MALRD1: variants seen among roughly 807,000 people sequenced by gnomAD.
The protein encoded by MALRD1 is MAM and LDL-receptor class A domain-containing protein 1.
In MALRD1, 247 loss-of-function variants were observed where a neutral mutation model predicts 242.1. The ratio of observed to expected loss-of-function variants is 1.02; its 90% CI spans 0.92 to 1.13. The LOEUF (loss-of-function observed/expected upper bound fraction) is 1.13. Among genes scored for constraint, MALRD1 ranks in the 50% most tolerant of loss-of-function variants. MALRD1 has a pLI of 0.00. For synonymous variants in MALRD1, 995 were observed against 866.6 expected (o/e 1.15, Z -2.60); for missense variants, 2,989 against 2,533.1 (o/e 1.18, Z -3.86).
chr10:19,203,753 C>A lies in MALRD1; in HGVS notation c.1977C>A (p.Asn659Lys), dbSNP rs1270607934. The change falls in exon 15 of 40, where the codon AAC becomes AAA. Residue 659 changes from asparagine to lysine, a missense_variant. Transcript: ENST00000454679. Reference sequence around the variant, plus strand: ...TTTCCAAGTGTGACTTTGAAGCAAACAGCTGTGATTGGTTTGAAGCAATTA... The same window carrying A: ...TTTCCAAGTGTGACTTTGAAGCAAAAAGCTGTGATTGGTTTGAAGCAATTA... ...SKFSKCDFEA[N>K]SCDWFEAISG... 1.1e-5 allele frequency: 17 copies of A among 1,542,870 alleles called. No individual in the cohort carries two copies. In the Admixed American group the frequency reaches 3.2e-4, roughly 29 times the overall value.
At chr10:19,214,147 C>G (rs1422093934) in intron 18 of MALRD1, among the ~76,000 whole-genome samples, 5 of 152,184 alleles carry the variant, frequency 3.3e-5, no homozygotes, top group Admixed American at 6.5e-5. Context: ...TTCTGTGCAG[C>G]TCCTTCTTCT....
intron 36 of MALRD1, among the ~76,000 whole-genome samples, chr10:19,685,740 A>C (rs1842555599): frequency 6.6e-6 from 1 of 152,190 alleles, no homozygotes; most frequent in Non-Finnish European, 1.5e-5. Flanking sequence ...GACCTTAAGA[A>C]AGCTGGATGC....
chr10:19,378,986 G>A (rs957480041), intron 26 of MALRD1, among the ~76,000 whole-genome samples: 9 of 152,198 alleles, frequency 5.9e-5, no homozygotes, highest in African/African-American at 2.2e-4. Context: ...CCATGTAATA[G>A]TTGTAGGGCT....
At chr10:19,639,510 G>A (rs921564488) in intron 36 of MALRD1, among the ~76,000 whole-genome samples, 8 of 152,034 alleles carry the variant, frequency 5.3e-5, no homozygotes, top group African/African-American at 1.7e-4. Context: ...CTTCAAAATC[G>A]GAGTTTCACT....
Position 19,428,506 on chromosome 10 carries a change from T to C in MALRD1, c.4846-21801T>C, listed in dbSNP as rs142135427. 5.8e-3 allele frequency among the ~76,000 whole-genome samples: 888 copies of C among 152,210 alleles called. 9 individuals carry two copies. The highest frequency in any genetic ancestry group is 0.02 in the African/African-American group (836 of 41,546). On this transcript the variant is annotated intron_variant, in intron 28 of 39. Coordinates refer to ENST00000454679, the MANE Select transcript of MALRD1 (RefSeq NM_001142308.3). ...ATTCTCCTAATCTCTGCCTCTTCTTTTCCTTCATAAACACCACCATCCTCA... is the reference window on the plus strand; with the variant it reads ...ATTCTCCTAATCTCTGCCTCTTCTTCTCCTTCATAAACACCACCATCCTCA...
chr10:19,238,440 A>ATT lies in MALRD1; in HGVS notation c.2992-19244_2992-19243insTT, dbSNP rs1838538213. On this transcript the variant is annotated intron_variant, in intron 18 of 39. Transcript: ENST00000454679. ...ATAATATACATTATATATAATATATAATATACATTATATATAATATATAAT... is the reference window on the plus strand; with the variant it reads ...ATAATATACATTATATATAATATATATTATATACATTATATATAATATATAAT... 4.9e-5 allele frequency among the ~76,000 whole-genome samples: 3 copies of ATT among 61,088 alleles called. No homozygotes were observed. In the South Asian group the frequency reaches 1.3e-3, roughly 27 times the overall value. 40.1% of individuals were successfully genotyped at this position (61,088 alleles called of 152,430 possible).
At chr10:19,711,120 T>C (rs771374107) in intron 38 of MALRD1, 2 of 152,246 alleles carry the variant, frequency 1.3e-5, no homozygotes, top group Non-Finnish European at 2.9e-5. Flanking sequence ...TAATAATTGC[T>C]TTCTTATCTT....
At chr10:19,136,236 A>ATTG (rs1564415248) in intron 9 of MALRD1, among the ~76,000 whole-genome samples, 2 of 152,134 alleles carry the variant, frequency 1.3e-5, no homozygotes, top group Non-Finnish European at 2.9e-5. Flanking sequence ...CCAAGTAACA[A>ATTG]GTTTGCAGTC....
intron 33 of MALRD1, among the ~76,000 whole-genome samples, chr10:19,574,235 C>T (rs973926196): frequency 6.6e-6 from 1 of 152,148 alleles, no homozygotes; most frequent in African/African-American, 2.4e-5. Context: ...ATCTCTTAAG[C>T]ATAAATTATT....
chr10:19,372,490 A>C (rs1417180198), intron 26 of MALRD1, among the ~76,000 whole-genome samples: 1 of 151,588 alleles, frequency 6.6e-6, no homozygotes, highest in Admixed American at 6.6e-5. Context: ...TTTTTTGCAA[A>C]TGGAGTTTCA....
chr10:19,205,226 G>A lies in MALRD1; in HGVS notation c.2539G>A (p.Val847Met). Reference protein sequence around the residue: ...CIEKLRLCDLVDDCGDRTDEV... With the variant: ...CIEKLRLCDLMDDCGDRTDEV... ...AGAAAAGCTTCGGTTATGTGATCTGGTGGATGACTGTGGTGATCGTACTGA... is the reference window on the plus strand; with the variant it reads ...AGAAAAGCTTCGGTTATGTGATCTGATGGATGACTGTGGTGATCGTACTGA... The change falls in exon 17 of 40, where the codon GTG becomes ATG. Residue 847 changes from valine to methionine, a missense_variant. Val to Met is a conservative substitution (Grantham distance 21). Transcript: ENST00000454679. 4 of 1,550,940 alleles carry A rather than the reference G, an allele frequency of 2.6e-6. No individual in the cohort carries two copies. The highest frequency in any genetic ancestry group is 1.4e-5 in the African/African-American group (1 of 73,142).
At chr10:19,605,866 T>G (rs962125570) in intron 34 of MALRD1, among the ~76,000 whole-genome samples, 1 of 152,108 alleles carries the variant, frequency 6.6e-6, no homozygotes. Flanking sequence ...CATTCATTTT[T>G]AAATTTCTCC....
intron 31 of MALRD1, among the ~76,000 whole-genome samples, chr10:19,514,052 GC>G (rs1564404537): frequency 6.6e-6 from 1 of 152,124 alleles, no homozygotes; most frequent in Non-Finnish European, 1.5e-5. Flanking sequence ...AATATTTTAG[GC>G]TTACAGCTGT....
At chr10:19,646,787 A>G (rs1179213976) in intron 36 of MALRD1, among the ~76,000 whole-genome samples, 1 of 152,162 alleles carries the variant, frequency 6.6e-6, no homozygotes, top group Non-Finnish European at 1.5e-5. Context: ...CCTCATTTTT[A>G]TAAAGTTGTT....
intron 18 of MALRD1, among the ~76,000 whole-genome samples, chr10:19,224,606 T>C (rs1265925097): frequency 6.6e-6 from 1 of 152,206 alleles, no homozygotes; most frequent in African/African-American, 2.4e-5. Context: ...TGAGCTTTTT[T>C]TCATATGTTT....
At chr10:19,493,735 C>T (rs1294038877) in intron 30 of MALRD1, among the ~76,000 whole-genome samples, 4 of 151,912 alleles carry the variant, frequency 2.6e-5, no homozygotes, top group Admixed American at 2.6e-4. Context: ...ATTGCTTGAA[C>T]CTGGGAGGTG....
At chr10:19,143,142 T>C (rs929708580) in intron 10 of MALRD1, among the ~76,000 whole-genome samples, 1 of 152,228 alleles carries the variant, frequency 6.6e-6, no homozygotes, top group Admixed American at 6.5e-5. Flanking sequence ...GCACAATGAT[T>C]GACATTTTTT....
At chr10:19,237,213 G>A (rs1284275152) in intron 18 of MALRD1, among the ~76,000 whole-genome samples, 1 of 151,468 alleles carries the variant, frequency 6.6e-6, no homozygotes, top group Non-Finnish European at 1.5e-5. Context: ...ACCCTGCTTT[G>A]CAAAGAACAC....
intron 19 of MALRD1, among the ~76,000 whole-genome samples, chr10:19,279,545 T>G (rs1840704360): frequency 6.6e-6 from 1 of 152,222 alleles, no homozygotes; most frequent in Non-Finnish European, 1.5e-5. Context: ...ATTGTAATCT[T>G]GTACAAAATT....
Sources: gnomAD v4.1 joint callset for allele counts (sites outside exome capture counted in the v4.1 genomes callset) on GRCh38, gnomAD v4.1.1 for gene constraint, MANE v1.5 for transcripts, NCBI Gene and HGNC (gene_info 2026-07-23, HGNC 2026-07-21) for gene names.